The following PUM3 variants were observed in gnomAD, a reference collection of about 807,000 sequenced individuals.
PUM3 encodes pumilio RNA binding family member 3, also known as pumilio homolog 3.
Under a neutral mutation model 84.0 loss-of-function variants are expected in PUM3, and 91 were observed. The observed-to-expected ratio is 1.08, with a 90% confidence interval of 0.91 to 1.29. The LOEUF (loss-of-function observed/expected upper bound fraction) is 1.29, where lower values mean the gene tolerates loss of function less well. Ranked by LOEUF, PUM3 falls within the 50% of genes most tolerant of loss-of-function variation. The probability of loss-of-function intolerance (pLI) is 0.00; values close to 1 mark genes in which losing one functional copy is unlikely to be tolerated. For missense variants in PUM3, 1,067 were observed against 767.5 expected (o/e 1.39, Z -4.61); for synonymous variants, 321 against 266.7 (o/e 1.20, Z -1.98).
intron 3 of PUM3, 21 bp downstream of exon 3, chr9:2,837,159 C>T (rs1322742955): frequency 6.2e-7 from 1 of 1,602,194 alleles, no homozygotes; most frequent in Non-Finnish European, 8.5e-7. Context: ...CTAGTTCAGG[C>T]ATGAACGAAC....
chr9:2,811,531 C>A lies in PUM3; in HGVS notation c.1465G>T (p.Ala489Ser). The change falls in exon 15 of 18, where the codon GCT (alanine) becomes TCT (serine). Residue 489 changes from alanine to serine, a missense_variant. Coordinates refer to ENST00000397885, the MANE Select transcript of PUM3 (RefSeq NM_014878.5). Reference sequence around the variant, plus strand: ...TGTTCTTGCAGGTAGCTTAACAAAGCTGGAGAAATGGATTCTAGGAGCTCC... The same window carrying A: ...TGTTCTTGCAGGTAGCTTAACAAAGATGGAGAAATGGATTCTAGGAGCTCC... ...RRELLESISP[A>S]LLSYLQEHAQ... 1 of 1,614,128 alleles carries A rather than the reference C, an allele frequency of 6.2e-7. No homozygotes were observed. Among genetic ancestry groups the A allele is most frequent in the Non-Finnish European group, 8.5e-7 (1 of 1,180,020 alleles).
At chr9:2,818,425 AACAG>A (rs956457388) in intron 13 of PUM3, among the ~76,000 whole-genome samples, 3 of 152,244 alleles carry the variant, frequency 2.0e-5, no homozygotes, top group African/African-American at 7.2e-5. Context: ...GAAAAAAATT[AACAG>A]ACAATTCTGG....
intron 5 of PUM3, 90 bp downstream of exon 5, chr9:2,833,267 T>C (rs10217194): frequency 0.54 from 313,859 of 583,146 alleles, 85,583 homozygotes; most frequent in East Asian, 0.62. Context: ...GAAACAATGA[T>C]AAGATCATCT....
chr9:2,807,708 T>C (rs1055375777), intron 17 of PUM3, 106 bp downstream of exon 17: 1 of 658,878 alleles, frequency 1.5e-6, no homozygotes, highest in African/African-American at 1.9e-5. Context: ...CTGGGAGTAA[T>C]ATTAGACTAC....
rs1821221132 is a variant in PUM3 at position 2,804,422 on chromosome 9, T to C, written c.1856A>G (p.Lys619Arg). The change falls in exon 18 of 18, where the codon AAA (lysine) becomes AGA (arginine). Residue 619 changes from lysine (K) to arginine (R), a missense_variant. Coordinates refer to ENST00000397885, the MANE Select transcript of PUM3 (RefSeq NM_014878.5). ...SCDLEVANKVKAALKSLIPTL... is the reference protein window; with the variant it reads ...SCDLEVANKVRAALKSLIPTL... ...AGGAATCAAGCTTTTCAGTGCAGCT[T>C]TGACTTTGTTTGCAACTTCCAGGTC... 1 of 1,613,894 alleles carries C rather than the reference T, an allele frequency of 6.2e-7. No individual in the cohort carries two copies. Among genetic ancestry groups the C allele is most frequent in the African/African-American group, 1.3e-5 (1 of 74,920 alleles).
intron 7 of PUM3, 60 bp downstream of exon 7, chr9:2,830,902 T>A: frequency 1.2e-6 from 1 of 866,634 alleles, no homozygotes; most frequent in Admixed American, 2.2e-5. Flanking sequence ...CTGAGCACAG[T>A]TGGAAACCAT....
chr9:2,817,215 G>A (rs928077761), intron 13 of PUM3, among the ~76,000 whole-genome samples: 8 of 152,158 alleles, frequency 5.3e-5, no homozygotes, highest in African/African-American at 1.9e-4. Flanking sequence ...CAGGAAAACA[G>A]AAAATAAATC....
At chr9:2,805,951 C>T (rs1216475791) in intron 17 of PUM3, among the ~76,000 whole-genome samples, 1 of 152,198 alleles carries the variant, frequency 6.6e-6, no homozygotes, top group Non-Finnish European at 1.5e-5. Context: ...ACATACAAGG[C>T]TGATTTTCTT....
chr9:2,810,104 TGGGGGGGGCTGGCGGG>T (rs1310347396), intron 16 of PUM3, among the ~76,000 whole-genome samples: 1 of 6,760 alleles, frequency 1.5e-4, no homozygotes, highest in Non-Finnish European at 3.3e-4. Flanking sequence ...GAGGGGGCGG[TGGGGGGGGCTGGCGGG>T]GGGGGTTTGG....
intron 8 of PUM3, among the ~76,000 whole-genome samples, chr9:2,829,346 T>A: frequency 6.6e-6 from 1 of 152,156 alleles, no homozygotes. Flanking sequence ...CCCCTTCATC[T>A]CCAGACACAA....
chr9:2,804,661 T>C (rs552377478), intron 17 of PUM3, among the ~76,000 whole-genome samples, 198 bp from the exon 18 acceptor site: 3 of 152,322 alleles, frequency 2.0e-5, no homozygotes, highest in Admixed American at 1.3e-4. Context: ...TTTAGAATCT[T>C]GCTGGTGGAG....
intron 16 of PUM3, among the ~76,000 whole-genome samples, chr9:2,808,179 T>G (rs960880580): frequency 2.0e-5 from 3 of 152,218 alleles, no homozygotes; most frequent in Non-Finnish European, 4.4e-5. Context: ...AACACTCACT[T>G]GGTTATGTCT....
intron 10 of PUM3, among the ~76,000 whole-genome samples, chr9:2,826,121 T>A (rs915663669): frequency 6.6e-6 from 1 of 152,096 alleles, no homozygotes; most frequent in Non-Finnish European, 1.5e-5. Context: ...TTAAGTCTCT[T>A]TTGAAAATGC....
chr9:2,829,702 T>G, intron 8 of PUM3, 72 bp downstream of exon 8: 2 of 1,288,990 alleles, frequency 1.6e-6, no homozygotes, highest in Non-Finnish European at 2.2e-6. Context: ...AAAAGATATA[T>G]AGGGCACCGG....
intron 9 of PUM3, among the ~76,000 whole-genome samples, chr9:2,828,024 T>C (rs1412953974): frequency 1.3e-5 from 2 of 152,024 alleles, no homozygotes; most frequent in Admixed American, 6.5e-5. Flanking sequence ...TTCCAAGTCT[T>C]ACAATCCATT....
chr9:2,824,665 A>C, intron 11 of PUM3, 52 bp downstream of exon 11: 1 of 1,190,174 alleles, frequency 8.4e-7, no homozygotes, highest in South Asian at 2.0e-5. Context: ...CCTGCAGATA[A>C]AGCATGGCCC....
In PUM3 at chr9:2,804,388, T is replaced by C. The variant is rs754429643; in HGVS notation, c.1890A>G (p.Glu630=). The C allele has an allele frequency of 5.0e-6, 8 of 1,614,126 alleles. No homozygotes were observed. Among genetic ancestry groups the C allele is most frequent in the African/African-American group, 1.3e-5 (1 of 75,052 alleles). The change falls in exon 18 of 18, where the codon GAA becomes GAG. Residue 630 remains glutamate, a synonymous_variant. Coordinates refer to ENST00000397885, the MANE Select transcript of PUM3 (RefSeq NM_014878.5). ...AALKSLIPTL[E]KTKSTSKGIE... ...TTCCTTTGCTGGTGCTTTTGGTTTT[T>C]TCCAATGTAGGAATCAAGCTTTTCA...
intron 5 of PUM3, among the ~76,000 whole-genome samples, chr9:2,831,738 G>C (rs1189215388): frequency 6.6e-6 from 1 of 152,134 alleles, no homozygotes; most frequent in Non-Finnish European, 1.5e-5. Context: ...TTTTATATAA[G>C]TGATCTAAGA....
rs552128111 is a variant in PUM3, at chr9:2,837,227, T to C, written c.257A>G (p.Asn86Ser). The change falls in exon 3 of 18, where the codon AAT becomes AGT. Residue 86 changes from asparagine (N) to serine (S), a missense_variant. By Grantham distance (46) the Asn-to-Ser change is conservative. Coordinates refer to ENST00000397885, the MANE Select transcript of PUM3 (RefSeq NM_014878.5). ...GAATTTTCTCTTCTTGTTGAATTTA[T>C]TTGCCGGCTGGAATTTGTTCTTTGG... ...KSPKNKFQPA[N>S]KFNKKRKFQP... The C allele has an allele frequency of 5.6e-6, 9 of 1,614,182 alleles. No individual in the cohort carries two copies. Among genetic ancestry groups the C allele is most frequent in the Non-Finnish European group, 6.8e-6 (8 of 1,179,996 alleles).
Sources: allele counts gnomAD v4.1 joint callset (sites outside exome capture counted in the v4.1 genomes callset), GRCh38; gene constraint gnomAD v4.1.1; transcripts MANE v1.5; gene names NCBI Gene and HGNC (gene_info 2026-07-23, HGNC 2026-07-21).